Variants in ACACA observed in about 807,000 individuals in gnomAD.
The protein encoded by ACACA is acetyl-CoA carboxylase alpha.
ACACA carries 103 observed loss-of-function variants against 296.1 expected under a neutral mutation model. The ratio of observed to expected loss-of-function variants is 0.35; its 90% confidence interval spans 0.30 to 0.41. ACACA has a LOEUF of 0.41. Ranked by LOEUF, ACACA falls within the 10% of genes least tolerant of loss-of-function variation. ACACA has a pLI of 1.00. For missense variants in ACACA, 1,554 were observed against 2,989.7 expected (o/e 0.52, Z 11.20); for synonymous variants, 953 against 1,038.6 (o/e 0.92, Z 1.58).
At chr17:37,187,024 A>T (rs2077563482) in intron 39 of ACACA, among the ~76,000 whole-genome samples, 1 of 152,216 alleles carries the variant, frequency 6.6e-6, no homozygotes, top group South Asian at 2.1e-4. Flanking sequence ...GAAGTTAATT[A>T]AAAACATCCC....
At chr17:37,095,752 A>C (rs967336119) in intron 54 of ACACA, among the ~76,000 whole-genome samples, 3 of 152,272 alleles carry the variant, frequency 2.0e-5, no homozygotes, top group African/African-American at 7.2e-5. Flanking sequence ...GTAAATGATT[A>C]ATCCATATAT....
intron 39 of ACACA, among the ~76,000 whole-genome samples, chr17:37,187,033 C>T (rs941082302): frequency 6.6e-6 from 1 of 152,064 alleles, no homozygotes. Flanking sequence ...TAAAAACATC[C>T]CTACCCATTG....
chr17:37,252,441 G>C (rs1484872064), intron 15 of ACACA, among the ~76,000 whole-genome samples: 1 of 152,014 alleles, frequency 6.6e-6, no homozygotes, highest in African/African-American at 2.4e-5. Context: ...AAAGAAAAAC[G>C]GTGTATAGCC....
chr17:37,292,418 C>T (rs796585850), intron 3 of ACACA, among the ~76,000 whole-genome samples: 7 of 152,162 alleles, frequency 4.6e-5, no homozygotes, highest in African/African-American at 1.7e-4. Flanking sequence ...ATATAAAGTC[C>T]TCTCAAGGGA....
chr17:37,398,280 A>T lies in ACACA; in HGVS notation c.38+7982T>A, dbSNP rs1159092545. On this transcript the variant is annotated intron_variant, in intron 1 of 55. Transcript: ENST00000616317. ...CTCCTCTTCTAGCTGTTGTGGTATC[A>T]CTTTTTTTTTTTTTTTTTTTTTTGA... Among the ~76,000 whole-genome samples the T allele has an allele frequency of 7.3e-3, 686 of 93,706 alleles. 13 individuals carry two copies. Among genetic ancestry groups the T allele is most frequent in the African/African-American group, 0.028 (661 of 24,020 alleles). The allele number at this position is 93,706 out of a possible 152,430, so 61.5% of individuals were successfully genotyped here. A position where few individuals can be genotyped will look rare whatever the true frequency, so the allele number is the denominator to read the frequency against.
At chr17:37,131,498 TCTC>T (rs2075096760) in intron 45 of ACACA, among the ~76,000 whole-genome samples, 1 of 152,214 alleles carries the variant, frequency 6.6e-6, no homozygotes, top group South Asian at 2.1e-4. Flanking sequence ...TTTCCTTTCC[TCTC>T]CTCCTTTAAA....
chr17:37,275,428 G>A (rs893865584), intron 8 of ACACA, among the ~76,000 whole-genome samples: 1 of 149,158 alleles, frequency 6.7e-6, no homozygotes, highest in Non-Finnish European at 1.5e-5. Flanking sequence ...CCCGGAAGGT[G>A]GAGGATGCAG....
chr17:37,391,090 T>C (rs187747925), intron 1 of ACACA, among the ~76,000 whole-genome samples: 42 of 151,428 alleles, frequency 2.8e-4, no homozygotes, highest in Middle Eastern at 3.4e-3. Flanking sequence ...TACAAAAAAT[T>C]AGCCAGGCAT....
chr17:37,260,294 ATATTTTTTTTT>A (rs1260087046), intron 11 of ACACA, among the ~76,000 whole-genome samples: 5 of 14,704 alleles, frequency 3.4e-4, no homozygotes, highest in African/African-American at 1.0e-3. Context: ...ATATATATAT[ATATTTTTTTTT>A]TTTTTTTTTT....
chr17:37,129,966 A>C (rs915365881), intron 46 of ACACA, 109 bp downstream of exon 46: 2 of 1,430,914 alleles, frequency 1.4e-6, no homozygotes, highest in East Asian at 2.3e-5. Flanking sequence ...AATATTTTAT[A>C]AAAAAATTCC....
At chr17:37,245,467 T>C (rs2080648937) in intron 19 of ACACA, among the ~76,000 whole-genome samples, 1 of 152,220 alleles carries the variant, frequency 6.6e-6, no homozygotes, top group African/African-American at 2.4e-5. Flanking sequence ...TTTGGCATAA[T>C]TTGTGATTAT....
At chr17:37,205,093 A>G (rs1273286599) in intron 33 of ACACA, among the ~76,000 whole-genome samples, 1 of 152,206 alleles carries the variant, frequency 6.6e-6, no homozygotes, top group Non-Finnish European at 1.5e-5. Flanking sequence ...AAAGACTGCA[A>G]AGAAAAACTA....
intron 1 of ACACA, chr17:37,391,551 C>A: frequency 9.5e-7 from 1 of 1,056,108 alleles, no homozygotes; most frequent in Non-Finnish European, 1.5e-6. Flanking sequence ...CTTGGAATTA[C>A]ATGGGGTTTT....
intron 41 of ACACA, among the ~76,000 whole-genome samples, chr17:37,174,006 A>AT (rs1176236554): frequency 0.013 from 165 of 12,230 alleles, 11 homozygotes; most frequent in African/African-American, 0.088. Context: ...ATATATATAT[A>AT]TATATATATA....
chr17:37,157,864 A>C (rs965157997), intron 42 of ACACA, among the ~76,000 whole-genome samples: 2 of 152,090 alleles, frequency 1.3e-5, no homozygotes, highest in East Asian at 3.9e-4. Context: ...TCTGTTGAGA[A>C]CAGACCTTGG....
chr17:37,094,242 TCAAA>T (rs1273650206), intron 54 of ACACA, among the ~76,000 whole-genome samples: 1 of 152,196 alleles, frequency 6.6e-6, no homozygotes, highest in African/African-American at 2.4e-5. Flanking sequence ...CCCAGTGGAT[TCAAA>T]CAGACTCCCA....
intron 1 of ACACA, chr17:37,365,878 C>T: frequency 3.9e-6 from 1 of 258,934 alleles, no homozygotes; most frequent in Non-Finnish European, 6.0e-6. Context: ...TATCCAATGG[C>T]AAACACTTCC....
At chr17:37,129,605 C>A in intron 46 of ACACA, 120 bp from the exon 47 acceptor site, 2 of 1,327,776 alleles carry the variant, frequency 1.5e-6, no homozygotes, top group Non-Finnish European at 1.1e-6. Flanking sequence ...ACCCAATAGT[C>A]CCAATCTTCA....
chr17:37,370,492 A>AG (rs1206515480), intron 1 of ACACA, among the ~76,000 whole-genome samples: 2 of 150,380 alleles, frequency 1.3e-5, no homozygotes, highest in East Asian at 2.0e-4. Context: ...ACTAAAAAAA[A>AG]AAAAAAAAAA....
Sources: allele counts gnomAD v4.1 joint callset (sites outside exome capture counted in the v4.1 genomes callset), GRCh38; gene constraint gnomAD v4.1.1; transcripts MANE v1.5; gene names NCBI Gene and HGNC (gene_info 2026-07-23, HGNC 2026-07-21).